The following PRKAR1B variants were observed in gnomAD, a reference collection of about 807,000 sequenced individuals.
PRKAR1B encodes the protein cAMP-dependent protein kinase type I-beta regulatory subunit.
PRKAR1B carries 22 observed loss-of-function variants against 46.5 expected under a neutral mutation model. The ratio of observed to expected loss-of-function variants is 0.47; its 90% CI spans 0.34 to 0.68. The LOEUF (loss-of-function observed/expected upper bound fraction) is 0.68. Among genes scored for constraint, PRKAR1B ranks in the 30% least tolerant of loss-of-function variants. PRKAR1B has a pLI of 0.01. For synonymous variants in PRKAR1B, 259 were observed against 217.7 expected (o/e 1.19, Z -1.67); for missense variants, 445 against 535.6 (o/e 0.83, Z 1.67).
Position 603,749 on chromosome 7 carries a change from G to A in PRKAR1B, c.549+2444C>T, listed in dbSNP as rs1200441811. Among the ~76,000 whole-genome samples, 23 of 146,770 alleles carry A rather than the reference G, an allele frequency of 1.6e-4. 1 individual carries two copies. Among genetic ancestry groups the A allele is most frequent in the African/African-American group, 6.0e-4 (23 of 38,290 alleles). On this transcript the variant is annotated intron_variant, in intron 6 of 10. Transcript: ENST00000537384. ...CCAGGATCCAGAGTGGAGAGGGTGG[G>A]GGAGGAGGTGACACCAGGACCCAGA... is the stretch of plus-strand genomic sequence containing the variant.
chr7:621,120 A>G (rs866142453), intron 4 of PRKAR1B, among the ~76,000 whole-genome samples: 11 of 152,228 alleles, frequency 7.2e-5, no homozygotes, highest in Admixed American at 2.0e-4. Context: ...GATCATCTCC[A>G]CCTGATCACA....
chr7:601,069 G>A (rs1232607338), intron 6 of PRKAR1B, among the ~76,000 whole-genome samples: 2 of 152,166 alleles, frequency 1.3e-5, no homozygotes, highest in African/African-American at 2.4e-5. Flanking sequence ...AGTGGGTGAC[G>A]TCCACCTCCA....
intron 4 of PRKAR1B, among the ~76,000 whole-genome samples, chr7:628,474 A>G (rs371995345): frequency 3.3e-5 from 5 of 152,372 alleles, no homozygotes; most frequent in African/African-American, 1.2e-4. Context: ...TGGAGGAAGA[A>G]AAGAGCCCCA....
chr7:598,465 C>T (rs368847100), intron 6 of PRKAR1B, among the ~76,000 whole-genome samples: 121 of 84,392 alleles, frequency 1.4e-3, no homozygotes, highest in Middle Eastern at 8.1e-3. Flanking sequence ...TACCATCACC[C>T]TCCCTCCAGC....
chr7:596,315 C>A lies in PRKAR1B; in HGVS notation c.550-11G>T, dbSNP rs199892341. On this transcript the variant is annotated splice_polypyrimidine_tract_variant and intron_variant, in intron 6 of 10. Coordinates refer to ENST00000537384, the MANE Select transcript of PRKAR1B (RefSeq NM_001164760.2). Reference sequence around the variant, plus strand: ...TCCGTTCACGTACACCTTTGGGGAGCAAGAGAGAGAAGTGTCACGGGGGCC... The same window carrying A: ...TCCGTTCACGTACACCTTTGGGGAGAAAGAGAGAGAAGTGTCACGGGGGCC... 418 of 1,600,768 alleles carry A rather than the reference C, an allele frequency of 2.6e-4. 3 individuals are homozygous for A. Among genetic ancestry groups the A allele is most frequent in the Non-Finnish European group, 3.1e-5 (36 of 1,170,060 alleles).
At chr7:708,867 C>G (rs1171624053) in intron 2 of PRKAR1B, among the ~76,000 whole-genome samples, 1 of 150,766 alleles carries the variant, frequency 6.6e-6, no homozygotes, top group Non-Finnish European at 1.5e-5. Flanking sequence ...TCTTTGCTCA[C>G]TGCAACCTCC....
intron 7 of PRKAR1B, among the ~76,000 whole-genome samples, chr7:590,493 G>A (rs1470903677): frequency 6.6e-6 from 1 of 152,230 alleles, no homozygotes; most frequent in African/African-American, 2.4e-5. Context: ...CGAGAGATGG[G>A]CACTTGGAGC....
At chr7:650,629 G>A (rs377563258) in intron 4 of PRKAR1B, among the ~76,000 whole-genome samples, 4 of 152,242 alleles carry the variant, frequency 2.6e-5, no homozygotes, top group South Asian at 4.1e-4. Flanking sequence ...GAATGGAGGC[G>A]CAATGGCGGT....
chr7:560,834 G>C lies in PRKAR1B; in HGVS notation c.892-9364C>G, dbSNP rs907093353. 1.3e-5 allele frequency among the ~76,000 whole-genome samples: 2 copies of C among 152,238 alleles called. No individual in the cohort carries two copies. The highest frequency in any genetic ancestry group is 4.8e-5 in the African/African-American group (2 of 41,458). ...GGGCGGCGGCCATGAGTGAACGTAAGAGTGGACAGACACCAAATGCCTTCT... is the reference window on the plus strand; with the variant it reads ...GGGCGGCGGCCATGAGTGAACGTAACAGTGGACAGACACCAAATGCCTTCT... On this transcript the variant is annotated intron_variant, in intron 9 of 10. Coordinates refer to ENST00000537384, the MANE Select transcript of PRKAR1B (RefSeq NM_001164760.2). This position sits in a 1 kb window ranked among gnomAD's most constrained non-coding sequence, Gnocchi z 4.2.
At chr7:620,720 G>A (rs570058001) in intron 4 of PRKAR1B, among the ~76,000 whole-genome samples, 4 of 152,260 alleles carry the variant, frequency 2.6e-5, no homozygotes, top group African/African-American at 9.6e-5. Context: ...TTCTATGCTG[G>A]TTTCCATAGA....
In PRKAR1B at chr7:667,664, T is replaced by C. The variant is rs571572100; in HGVS notation, c.440+9565A>G. Reference sequence around the variant, plus strand: ...GCAGGGTAGCGGCAGGTGCAGGTGATGTGTCCTTACAGGGGAGGGAGCACA... The same window carrying C: ...GCAGGGTAGCGGCAGGTGCAGGTGACGTGTCCTTACAGGGGAGGGAGCACA... On this transcript the variant is annotated intron_variant, in intron 4 of 10. Transcript: ENST00000537384. The surrounding 1 kb of genome is among the most constrained non-coding windows in gnomAD (Gnocchi z 4.3). 2.0e-5 allele frequency among the ~76,000 whole-genome samples: 3 copies of C among 152,290 alleles called. No homozygotes were observed. The highest frequency in any genetic ancestry group is 4.4e-5 in the Non-Finnish European group (3 of 68,022).
chr7:710,371 C>T (rs966040082), intron 2 of PRKAR1B, among the ~76,000 whole-genome samples: 2 of 152,104 alleles, frequency 1.3e-5, no homozygotes, highest in African/African-American at 2.4e-5. Context: ...GAGCCCACGG[C>T]GAGGGGGAGG....
At chr7:576,690 A>G (rs536905212) in intron 9 of PRKAR1B, among the ~76,000 whole-genome samples, 299 of 150,732 alleles carry the variant, frequency 2.0e-3, no homozygotes, top group African/African-American at 6.8e-3. Flanking sequence ...CGGATGCCCC[A>G]GCCGGCCTGG....
chr7:556,289 C>T (rs998257716), intron 9 of PRKAR1B, among the ~76,000 whole-genome samples: 2 of 152,054 alleles, frequency 1.3e-5, no homozygotes, highest in South Asian at 2.1e-4. Context: ...GAAACCGACC[C>T]CTCAGAGGCA....
At chr7:682,505 G>C (rs1342478006) in intron 2 of PRKAR1B, among the ~76,000 whole-genome samples, 1 of 152,132 alleles carries the variant, frequency 6.6e-6, no homozygotes, top group African/African-American at 2.4e-5. Flanking sequence ...CAGCACTTTG[G>C]GAGGCCGAGA....
chr7:670,351 C>T (rs1786166917), intron 4 of PRKAR1B, among the ~76,000 whole-genome samples: 1 of 152,218 alleles, frequency 6.6e-6, no homozygotes, highest in African/African-American at 2.4e-5. Flanking sequence ...GTCCATGGCC[C>T]ATGCTCACCT....
At chr7:654,102 ATCC>A (rs1041433733) in intron 4 of PRKAR1B, among the ~76,000 whole-genome samples, 3 of 151,230 alleles carry the variant, frequency 2.0e-5, no homozygotes, top group Middle Eastern at 3.2e-3. Context: ...GATCCTCACC[ATCC>A]TCCTCACCAT....
intron 4 of PRKAR1B, among the ~76,000 whole-genome samples, chr7:634,052 T>C (rs1783904868): frequency 1.3e-5 from 2 of 152,070 alleles, no homozygotes; most frequent in Non-Finnish European, 2.9e-5. Flanking sequence ...AAAGGGAGTC[T>C]AGTTCTGCCT....
intron 1 of PRKAR1B, among the ~76,000 whole-genome samples, chr7:719,772 C>A (rs1229844580): frequency 6.6e-6 from 1 of 152,136 alleles, no homozygotes; most frequent in Non-Finnish European, 1.5e-5. Context: ...CTCCTAGTGA[C>A]CCTTAATAAT....
Sources: gnomAD v4.1 joint callset for allele counts (sites outside exome capture counted in the v4.1 genomes callset) on GRCh38, gnomAD v4.1.1 for gene constraint, Gnocchi (gnomAD v3.1) non-coding constraint, MANE v1.5 for transcripts, NCBI Gene and HGNC (gene_info 2026-07-23, HGNC 2026-07-21) for gene names.